TMEM42: variants seen among roughly 807,000 people sequenced by gnomAD.
The protein encoded by TMEM42 is transmembrane protein 42.
In TMEM42, 8 loss-of-function variants were observed where a neutral mutation model predicts 14.0. The ratio of observed to expected loss-of-function variants is 0.57; its 90% CI spans 0.34 to 1.03. TMEM42 has a LOEUF of 1.03. TMEM42 is among the 50% of genes least tolerant of loss of function. TMEM42 has a pLI of 0.03. For synonymous variants in TMEM42, 115 were observed against 94.3 expected (o/e 1.22, Z -1.27); for missense variants, 211 against 219.8 (o/e 0.96, Z 0.25).
Position 44,865,019 on chromosome 3 carries a change from AC to A in TMEM42, c.340-20del. The A allele has an allele frequency of 6.2e-7, 1 of 1,613,560 alleles. No individual in the cohort carries two copies. Among genetic ancestry groups the A allele is most frequent in the Non-Finnish European group, 8.5e-7 (1 of 1,179,568 alleles). On this transcript the variant is annotated intron_variant, in intron 2 of 2. Transcript: ENST00000302392. ...CCCACCTGCTGAAGTTGAGTCCCTC[AC>A]AGCTATCTTTGTCTCGCAGGCCTTC...
At chr3:44,864,999 C>T (rs780538170) in intron 2 of TMEM42, 41 bp from the exon 3 acceptor site, 1 of 1,609,526 alleles carries the variant, frequency 6.2e-7, no homozygotes, top group Non-Finnish European at 8.5e-7. Context: ...TTGTGCCCAC[C>T]TGCTGAAGTT....
rs1022933558 is a variant in TMEM42, at chr3:44,861,919, G to C, written c.-6G>C. 25 of 1,459,244 alleles carry C rather than the reference G, an allele frequency of 1.7e-5. No individual in the cohort carries two copies. The African/African-American group carries it at 2.8e-4, about 17-fold the overall frequency. 90.4% of individuals were successfully genotyped at this position (1,459,244 alleles called of 1,614,324 possible). A position where few individuals can be genotyped will look rare whatever the true frequency, so the allele number is the denominator to read the frequency against. On this transcript the variant is annotated 5_prime_UTR_variant, in exon 1 of 3. Transcript: ENST00000302392. ...GCGGGTGCCAGGCACGGTGTCAGCA[G>C]GCAACATGGCCGAGAGGCCGGGGCC...
chr3:44,864,984 T>C, intron 2 of TMEM42, 56 bp from the exon 3 acceptor site: 2 of 1,604,790 alleles, frequency 1.2e-6, no homozygotes, highest in Non-Finnish European at 1.7e-6. Context: ...CCCAGGAGAG[T>C]GAGGTTGTGC....
chr3:44,864,045 C>A (rs964275743), intron 1 of TMEM42, 152 bp from the exon 2 acceptor site: 1 of 794,702 alleles, frequency 1.3e-6, no homozygotes, highest in Non-Finnish European at 2.0e-6. Flanking sequence ...TTAAGTGAAG[C>A]CCTGTGCAGG....
Position 44,864,292 on chromosome 3 carries a change from G to A in TMEM42, c.288G>A (p.Met96Ile). 6.2e-7 allele frequency: 1 copy of A among 1,614,210 alleles called. No individual in the cohort carries two copies. The highest frequency in any genetic ancestry group is 8.5e-7 in the Non-Finnish European group (1 of 1,180,034). The change falls in exon 2 of 3, where the codon ATG becomes ATA. Residue 96 changes from methionine to isoleucine, a missense_variant. By Grantham distance (10) the Met-to-Ile change is conservative (BLOSUM62 1). Transcript: ENST00000302392. ...TTAGCCGGGGCCTCAGTTTCTCCAT[G>A]TCTTCAGCCATTGCATCTGTCACAG... Reference protein sequence around the residue: ...TFFSRGLSFSMSSAIASVTVT... With the variant: ...TFFSRGLSFSISSAIASVTVT...
rs771634203 is a variant in TMEM42 at position 44,864,238 on chromosome 3, G to A, written c.234G>A (p.Ala78=). ...GLCVLGIIVM[A]STNSLMWTFF... is the part of the protein sequence containing the mutation. The stretch of plus-strand genomic sequence containing the variant: ...GCGTCTTAGGCATTATTGTGATGGC[G>A]AGCACCAATTCTCTGATGTGGACCT... The change falls in exon 2 of 3, where the codon GCG becomes GCA. Residue 78 remains alanine (A), a synonymous_variant. Coordinates refer to ENST00000302392, the MANE Select transcript of TMEM42 (RefSeq NM_144638.3). 8 of 1,614,040 alleles carry A rather than the reference G, an allele frequency of 5.0e-6. No individual in the cohort carries two copies. Among genetic ancestry groups the A allele is most frequent in the South Asian group, 4.4e-5 (4 of 91,086 alleles).
chr3:44,864,843 G>C (rs552932784), intron 2 of TMEM42, among the ~76,000 whole-genome samples, 197 bp from the exon 3 acceptor site: 1 of 152,310 alleles, frequency 6.6e-6, no homozygotes, highest in East Asian at 1.9e-4. Flanking sequence ...CCAGTGCAGT[G>C]AGGGAGGTAG....
intron 1 of TMEM42, chr3:44,862,372 C>CGGGGACTGAGGCCTCTTCCCT (rs1699267604): frequency 6.4e-6 from 1 of 156,842 alleles, no homozygotes; most frequent in Admixed American, 6.5e-5. Context: ...TAAGAGACGT[C>CGGGGACTGAGGCCTCTTCCCT]GGGGACTGAG....
intron 1 of TMEM42, chr3:44,863,432 AGAAAG>A (rs1296635716): frequency 6.6e-6 from 1 of 151,892 alleles, no homozygotes; most frequent in Non-Finnish European, 1.5e-5. Context: ...TTAAAAAAAA[AGAAAG>A]AAAATACCTG....
chr3:44,865,036 G>T lies in TMEM42; in HGVS notation c.340-4G>T, dbSNP rs190177861. 9.3e-5 allele frequency: 150 copies of T among 1,613,866 alleles called. 1 individual carries two copies. In the Admixed American group the frequency reaches 2.5e-3, roughly 27 times the overall value. On this transcript the variant is annotated splice_region_variant and splice_polypyrimidine_tract_variant and intron_variant, in intron 2 of 2. Transcript: ENST00000302392. The stretch of plus-strand genomic sequence containing the variant: ...AGTCCCTCACAGCTATCTTTGTCTC[G>T]CAGGCCTTCCTGGGCTATGTGCTGT...
Position 44,864,196 on chromosome 3 carries a change from G to T in TMEM42, c.193-1G>T. On this transcript the variant is annotated splice_acceptor_variant, in intron 1 of 2. Coordinates refer to ENST00000302392, the MANE Select transcript of TMEM42 (RefSeq NM_144638.3). LOFTEE classifies it high-confidence loss of function. ...GGCTGCAGTGACACTTTCTCCTGCAGGTGAGCATGGGTTTATGCGTCTTAG... is the reference window on the plus strand; with the variant it reads ...GGCTGCAGTGACACTTTCTCCTGCATGTGAGCATGGGTTTATGCGTCTTAG... 3 of 1,613,908 alleles carry T rather than the reference G, an allele frequency of 1.9e-6. No individual in the cohort carries two copies. The highest frequency in any genetic ancestry group is 2.5e-6 in the Non-Finnish European group (3 of 1,180,022).
At chr3:44,864,138 G>A (rs2125740040) in intron 1 of TMEM42, 59 bp from the exon 2 acceptor site, 1 of 1,607,140 alleles carries the variant, frequency 6.2e-7, no homozygotes, top group South Asian at 1.1e-5. Context: ...TGTGCTTTGA[G>A]GGGGTCTGCA....
At chr3:44,864,782 G>A (rs1699302643) in intron 2 of TMEM42, among the ~76,000 whole-genome samples, 1 of 152,198 alleles carries the variant, frequency 6.6e-6, no homozygotes, top group Admixed American at 6.5e-5. Context: ...TGTACCTGCT[G>A]TGTCTACCTG....
At chr3:44,862,340 A>G (rs1315588186) in intron 1 of TMEM42, 1 of 164,050 alleles carries the variant, frequency 6.1e-6, no homozygotes, top group Non-Finnish European at 1.3e-5. Context: ...AATCACGCCA[A>G]ACCCTCGTCC....
intron 1 of TMEM42, 28 bp from the exon 2 acceptor site, chr3:44,864,169 G>C (rs773789170): frequency 1.6e-5 from 25 of 1,612,268 alleles, no homozygotes; most frequent in Non-Finnish European, 2.1e-5. Context: ...CAGGGTGGAC[G>C]TGGCTGCAGT....
rs765210286 is a variant in TMEM42, at chr3:44,864,189, T to C, written c.193-8T>C. 1 of 1,613,710 alleles carries C rather than the reference T, an allele frequency of 6.2e-7. No individual in the cohort carries two copies. Among genetic ancestry groups the C allele is most frequent in the East Asian group, 2.2e-5 (1 of 44,876 alleles). On this transcript the variant is annotated splice_polypyrimidine_tract_variant and splice_region_variant and intron_variant, in intron 1 of 2. Coordinates refer to ENST00000302392, the MANE Select transcript of TMEM42 (RefSeq NM_144638.3). ...TGGACGTGGCTGCAGTGACACTTTCTCCTGCAGGTGAGCATGGGTTTATGC... is the reference window on the plus strand; with the variant it reads ...TGGACGTGGCTGCAGTGACACTTTCCCCTGCAGGTGAGCATGGGTTTATGC...
In TMEM42 at chr3:44,861,952, G is replaced by A. The variant is rs2125738405; in HGVS notation, c.28G>A (p.Gly10Ser). Residue 10 changes from glycine to serine, a missense_variant, in exon 1 of 3, where the codon GGC becomes AGC. Physicochemically the swap from Gly to Ser is moderately conservative, Grantham distance 56. Transcript: ENST00000302392. ...GGCCGAGAGGCCGGGGCCTCCGGGC[G>A]GCGCCGTGTCCGCGACCGCGTACCC... Reference protein sequence around the residue: MAERPGPPGGAVSATAYPDT... With the variant: MAERPGPPGSAVSATAYPDT... 2 of 1,407,274 alleles carry A rather than the reference G, an allele frequency of 1.4e-6. No individual in the cohort carries two copies. Among genetic ancestry groups the A allele is most frequent in the Non-Finnish European group, 9.2e-7 (1 of 1,083,490 alleles). 87.2% of individuals were successfully genotyped at this position (1,407,274 alleles called of 1,614,324 possible).
Position 44,861,914 on chromosome 3 carries a change from C to T in TMEM42, c.-11C>T. 1 of 1,475,308 alleles carries T rather than the reference C, an allele frequency of 6.8e-7. No individual in the cohort carries two copies. The highest frequency in any genetic ancestry group is 1.3e-5 in the South Asian group (1 of 77,958). The allele number at this position is 1,475,308 out of a possible 1,614,324, so 91.4% of individuals were successfully genotyped here. On this transcript the variant is annotated 5_prime_UTR_variant, in exon 1 of 3. Transcript: ENST00000302392. The stretch of plus-strand genomic sequence containing the variant: ...GGGCAGCGGGTGCCAGGCACGGTGT[C>T]AGCAGGCAACATGGCCGAGAGGCCG...
chr3:44,864,388 C>A, intron 2 of TMEM42, 45 bp downstream of exon 2: 1 of 1,611,870 alleles, frequency 6.2e-7, no homozygotes, highest in Non-Finnish European at 8.5e-7. Context: ...AATCTGGGTT[C>A]TGGGTGAGTT....
Sources: gnomAD v4.1 joint callset for allele counts (sites outside exome capture counted in the v4.1 genomes callset) on GRCh38, gnomAD v4.1.1 for gene constraint, MANE v1.5 for transcripts, NCBI Gene and HGNC (gene_info 2026-07-23, HGNC 2026-07-21) for gene names.